CSTF3: variants seen among roughly 807,000 people sequenced by gnomAD.
CSTF3 encodes CF-1 77 kDa subunit.
CSTF3 carries 29 observed loss-of-function variants against 105.8 expected under a neutral mutation model. The ratio of observed to expected loss-of-function variants is 0.27; its 90% confidence interval spans 0.20 to 0.37. CSTF3 has a LOEUF of 0.37. CSTF3 is among the 10% of genes least tolerant of loss of function. The pLI is 1.00. For missense variants in CSTF3, 357 were observed against 879.3 expected, an observed-to-expected ratio of 0.41 and a Z score of 7.51; for synonymous variants, 252 against 281.9, an observed-to-expected ratio of 0.89 and a Z score of 1.06.
At chr11:33,147,066 G>A (rs1378745205) in intron 1 of CSTF3, among the ~76,000 whole-genome samples, 8 of 150,750 alleles carry the variant, frequency 5.3e-5, no homozygotes, top group East Asian at 2.0e-4. Flanking sequence ...CTAGGCAGGC[G>A]GACTGCTTGA....
intron 3 of CSTF3, among the ~76,000 whole-genome samples, chr11:33,137,796 G>A (rs971315944): frequency 6.6e-6 from 1 of 151,702 alleles, no homozygotes; most frequent in African/African-American, 2.4e-5. Context: ...GCTGCAAGCT[G>A]AAGTATAGAA....
intron 3 of CSTF3, among the ~76,000 whole-genome samples, chr11:33,130,435 T>C (rs1373241317): frequency 6.6e-6 from 1 of 152,160 alleles, no homozygotes; most frequent in African/African-American, 2.4e-5. Context: ...ATTGCGCCAC[T>C]ACACTCCAGC....
At chr11:33,090,019 C>T (rs1194289910) in intron 17 of CSTF3, among the ~76,000 whole-genome samples, 1 of 152,098 alleles carries the variant, frequency 6.6e-6, no homozygotes, top group Non-Finnish European at 1.5e-5. Context: ...TGAGCTAATT[C>T]CCCCAAAGGC....
chr11:33,159,078 T>C (rs1241952655), intron 1 of CSTF3, among the ~76,000 whole-genome samples: 1 of 152,144 alleles, frequency 6.6e-6, no homozygotes, highest in Non-Finnish European at 1.5e-5. Context: ...AATGGTATGG[T>C]GGTTATGTAA....
At chr11:33,141,357 T>C (rs1251983597) in intron 3 of CSTF3, 10 of 811,232 alleles carry the variant, frequency 1.2e-5, no homozygotes, top group Non-Finnish European at 1.6e-5. Flanking sequence ...AAAAGAAAAA[T>C]GAGTTCTAAA....
intron 1 of CSTF3, among the ~76,000 whole-genome samples, chr11:33,147,253 C>T (rs1192976053): frequency 4.6e-5 from 7 of 151,798 alleles, no homozygotes; most frequent in African/African-American, 9.7e-5. Context: ...GCTAAGGCTG[C>T]GCCACTGCAC....
chr11:33,136,068 AAATTTTTCTTTGGAGGT>A (rs1488850132), intron 3 of CSTF3: 4 of 152,514 alleles, frequency 2.6e-5, no homozygotes, highest in African/African-American at 7.2e-5. Context: ...TGCAAATAGA[AAATTTTTCTTTGGAGGT>A]CTAGCATACA....
chr11:33,101,168 C>A (rs1855277005), intron 10 of CSTF3, among the ~76,000 whole-genome samples: 1 of 152,134 alleles, frequency 6.6e-6, no homozygotes, highest in South Asian at 2.1e-4. Context: ...TCAAATGCTG[C>A]AGTCTTACTG....
At chr11:33,122,176 A>C (rs998638188) in intron 3 of CSTF3, among the ~76,000 whole-genome samples, 1 of 152,226 alleles carries the variant, frequency 6.6e-6, no homozygotes, top group African/African-American at 2.4e-5. Flanking sequence ...TGAAAACCAA[A>C]TTCTATAAAG....
intron 3 of CSTF3, among the ~76,000 whole-genome samples, chr11:33,118,192 T>C (rs1440600993): frequency 6.6e-6 from 1 of 151,780 alleles, no homozygotes; most frequent in Non-Finnish European, 1.5e-5. Flanking sequence ...ATCCCCACTT[T>C]AAAATCTACT....
intron 3 of CSTF3, among the ~76,000 whole-genome samples, chr11:33,112,183 A>G (rs1473384851): frequency 1.3e-5 from 2 of 151,916 alleles, no homozygotes; most frequent in African/African-American, 4.8e-5. Context: ...GAACCCAGGA[A>G]GTGGATGTTG....
chr11:33,107,989 T>G lies in CSTF3; in HGVS notation c.270A>C (p.Arg90Ser). 1 of 1,598,936 alleles carries G rather than the reference T, an allele frequency of 6.3e-7. No homozygotes were observed. The highest frequency in any genetic ancestry group is 8.5e-7 in the Non-Finnish European group (1 of 1,169,920). ...NYDKVEKLFQ[R>S]CLMKVLHIDL... ...CAATGTGCAAAACCTTCATAAGGCATCTCTGAAATAGCTTTAAATACAAGA... is the reference window on the plus strand; with the variant it reads ...CAATGTGCAAAACCTTCATAAGGCAGCTCTGAAATAGCTTTAAATACAAGA... The change falls in exon 5 of 21, where the codon AGA becomes AGC. Residue 90 changes from arginine (R) to serine (S), a missense_variant. This residue lies in a region of CSTF3 where 78 missense variants were observed against 180.4 expected (regional missense o/e 0.43). Coordinates refer to ENST00000323959, the MANE Select transcript of CSTF3 (RefSeq NM_001326.3).
In CSTF3 at chr11:33,141,782, A is replaced by G; in HGVS notation, c.130-20T>C. ...TTGATTCTAAAATTGAAAACCAATA[A>G]ACAGCATTTACAATGTTAGGATTAT... is the stretch of plus-strand genomic sequence containing the variant. On this transcript the variant is annotated intron_variant, in intron 2 of 20. Transcript: ENST00000323959. 6.3e-7 allele frequency: 1 copy of G among 1,585,424 alleles called. No individual in the cohort carries two copies. The highest frequency in any genetic ancestry group is 8.5e-7 in the Non-Finnish European group (1 of 1,171,456).
intron 3 of CSTF3, among the ~76,000 whole-genome samples, chr11:33,110,613 A>T (rs1281315208): frequency 6.6e-6 from 1 of 152,262 alleles, no homozygotes; most frequent in African/African-American, 2.4e-5. Flanking sequence ...AAAGCTACCC[A>T]TTGAGAAAAT....
intron 3 of CSTF3, among the ~76,000 whole-genome samples, chr11:33,123,633 A>G (rs1000268411): frequency 2.0e-5 from 3 of 152,172 alleles, no homozygotes; most frequent in Non-Finnish European, 4.4e-5. Context: ...AGACAAGTTA[A>G]AAGAAACATA....
chr11:33,108,826 T>A (rs954163587), intron 3 of CSTF3, among the ~76,000 whole-genome samples: 1 of 152,172 alleles, frequency 6.6e-6, no homozygotes. Flanking sequence ...GGACTACATA[T>A]AAACATTCAG....
rs1308025687 is a variant in CSTF3 at position 33,105,580 on chromosome 11, T to C, written c.572A>G (p.Asn191Ser). 1 of 1,611,490 alleles carries C rather than the reference T, an allele frequency of 6.2e-7. No homozygotes were observed. Among genetic ancestry groups the C allele is most frequent in the East Asian group, 2.2e-5 (1 of 44,744 alleles). ...GACCTAATTTACCTCTTCATACTTG[T>C]TATAGTCTCTCCAGAGCTGTTCAAT... The part of the protein sequence containing the change: ...INIEQLWRDY[N>S]KYEEGINIHL... Residue 191 changes from asparagine to serine, a missense_variant, in exon 8 of 21, where the codon AAC becomes AGC. Asn to Ser is a conservative substitution (Grantham distance 46). Transcript: ENST00000323959.
At chr11:33,139,576 T>C (rs1040647291) in intron 3 of CSTF3, among the ~76,000 whole-genome samples, 20 of 151,760 alleles carry the variant, frequency 1.3e-4, no homozygotes, top group African/African-American at 4.8e-5. Flanking sequence ...AAATAAAAAA[T>C]AAACAGCAAA....
chr11:33,108,815 T>C (rs1468395398), intron 3 of CSTF3, among the ~76,000 whole-genome samples: 1 of 152,222 alleles, frequency 6.6e-6, no homozygotes, highest in Non-Finnish European at 1.5e-5. Flanking sequence ...TATGCAAATT[T>C]GGACTACATA....
Sources: gnomAD v4.1 joint callset for allele counts (sites outside exome capture counted in the v4.1 genomes callset) on GRCh38, gnomAD v4.1.1 for gene constraint, gnomAD v4.1.1 regional missense constraint, MANE v1.5 for transcripts, NCBI Gene and HGNC (gene_info 2026-07-23, HGNC 2026-07-21) for gene names.